Variants in PCA3 observed in about 807,000 individuals in gnomAD.
PCA3 encodes prostate cancer associated 3.
At position 76,771,151 on chromosome 9, in the gene PCA3, T is replaced by C. The variant is rs911688496; in HGVS notation, n.852+34536T>C. On this transcript the variant is annotated intron_variant and non_coding_transcript_variant, in intron 2 of 5. Coordinates refer to ENST00000644657, the Ensembl canonical transcript of PCA3. ...TTATATAAATTATGATCATAGAAAC[T>C]AGACATGATTTAAATATCATATAAA... is the stretch of plus-strand genomic sequence containing the variant. 2.0e-5 allele frequency among the ~76,000 whole-genome samples: 3 copies of C among 152,254 alleles called. No homozygotes were observed. In the South Asian group the frequency reaches 6.2e-4, roughly 32 times the overall value.
intron 2 of PCA3, among the ~76,000 whole-genome samples, chr9:76,780,969 C>T (rs1016955490): frequency 3.3e-5 from 5 of 152,172 alleles, no homozygotes; most frequent in East Asian, 1.9e-4. Flanking sequence ...TTTTATGCTA[C>T]GTACCTGAGA....
At chr9:76,781,547 C>G (rs2054395528) in intron 2 of PCA3, among the ~76,000 whole-genome samples, 1 of 152,198 alleles carries the variant, frequency 6.6e-6, no homozygotes, top group African/African-American at 2.4e-5. Context: ...CTTTGGAGAA[C>G]TTACACACCT....
chr9:76,779,466 T>C (rs1425003599), intron 2 of PCA3, among the ~76,000 whole-genome samples: 1 of 152,198 alleles, frequency 6.6e-6, no homozygotes, highest in Non-Finnish European at 1.5e-5. Flanking sequence ...GATGCACTTA[T>C]GAAAAATGGT....
chr9:76,767,690 T>C (rs1040757842), intron 2 of PCA3, among the ~76,000 whole-genome samples: 1 of 152,192 alleles, frequency 6.6e-6, no homozygotes, highest in South Asian at 2.1e-4. Context: ...CTCTTGACCC[T>C]ATTTTGTTTT....
intron 2 of PCA3, among the ~76,000 whole-genome samples, chr9:76,773,966 G>A (rs989686637): frequency 6.6e-6 from 1 of 152,036 alleles, no homozygotes. Flanking sequence ...AAAACTAAAC[G>A]AAATGACTCT....
chr9:76,768,593 G>GTGTGTGTC (rs2052721112), intron 2 of PCA3, among the ~76,000 whole-genome samples: 2 of 142,610 alleles, frequency 1.4e-5, no homozygotes, highest in South Asian at 4.3e-4. Context: ...ATGTGTGTGT[G>GTGTGTGTC]TGTGTGTGTG....
At chr9:76,768,264 C>T (rs1403087605) in intron 2 of PCA3, among the ~76,000 whole-genome samples, 1 of 152,134 alleles carries the variant, frequency 6.6e-6, no homozygotes, top group African/African-American at 2.4e-5. Context: ...GCGATCTCAG[C>T]TCACTGCAAC....
intron 2 of PCA3, chr9:76,785,030 T>C (rs2054828432): frequency 6.6e-6 from 1 of 152,086 alleles, no homozygotes; most frequent in African/African-American, 2.4e-5. Flanking sequence ...CTTTGTTTGA[T>C]TTTTTTTCCA....
At chr9:76,764,540 A>C (rs1284080385) in intron 2 of PCA3, 1 of 152,212 alleles carries the variant, frequency 6.6e-6, no homozygotes, top group Non-Finnish European at 1.5e-5. Flanking sequence ...GGTGGGAAGG[A>C]CCTGATGATA....
At chr9:76,784,744 T>G (rs572111232) in intron 2 of PCA3, 1 of 152,238 alleles carries the variant, frequency 6.6e-6, no homozygotes, top group Non-Finnish European at 1.5e-5. Context: ...CTGGGAAGCA[T>G]CTCAAGATCT....
chr9:76,774,592 G>A (rs1437393616), intron 2 of PCA3, among the ~76,000 whole-genome samples: 1 of 151,136 alleles, frequency 6.6e-6, no homozygotes, highest in African/African-American at 2.4e-5. Flanking sequence ...CCAGGTAGCT[G>A]GGATTACAGG....
intron 2 of PCA3, chr9:76,785,661 G>A (rs2054899611): frequency 6.6e-6 from 1 of 152,072 alleles, no homozygotes; most frequent in African/African-American, 2.4e-5. Flanking sequence ...GCACTCTTGT[G>A]AGCCACTTTA....
At chr9:76,783,309 G>A (rs1261226467) in intron 2 of PCA3, among the ~76,000 whole-genome samples, 1 of 152,004 alleles carries the variant, frequency 6.6e-6, no homozygotes. Flanking sequence ...GCTAATTTTT[G>A]TATTTTTAGT....
chr9:76,766,318 T>C (rs1020280644), intron 2 of PCA3, among the ~76,000 whole-genome samples: 1 of 151,974 alleles, frequency 6.6e-6, no homozygotes, highest in Non-Finnish European at 1.5e-5. Context: ...GCAAAGCCTA[T>C]CTGTGTGGGA....
intron 2 of PCA3, among the ~76,000 whole-genome samples, chr9:76,779,414 T>A (rs1313196433): frequency 6.6e-6 from 1 of 152,162 alleles, no homozygotes; most frequent in Non-Finnish European, 1.5e-5. Flanking sequence ...ATATCAAAGC[T>A]CTTCTTCAAG....
rs1178650473 is a variant in PCA3, at chr9:76,769,493, GCTC to G, written n.852+32879_852+32881del. ...GCTGGAGTGCAATGGCACAATCTCG[GCTC>G]GTCGTCGCAACCTCCGCCCCCCGGG... On this transcript the variant is annotated intron_variant and non_coding_transcript_variant, in intron 2 of 5. Coordinates refer to ENST00000644657, the Ensembl canonical transcript of PCA3. Among the ~76,000 whole-genome samples, 41 of 115,232 alleles carry G rather than the reference GCTC, an allele frequency of 3.6e-4. 1 individual carries two copies. In the South Asian group the frequency reaches 0.013, roughly 35 times the overall value. 75.6% of individuals were successfully genotyped at this position (115,232 alleles called of 152,430 possible). A position where few individuals can be genotyped will look rare whatever the true frequency, so the allele number is the denominator to read the frequency against.
intron 2 of PCA3, among the ~76,000 whole-genome samples, chr9:76,769,579 C>T (rs2052859100): frequency 6.6e-6 from 1 of 152,172 alleles, no homozygotes; most frequent in African/African-American, 2.4e-5. Flanking sequence ...GCACGTGCCA[C>T]CATGTCCGGC....
intron 2 of PCA3, among the ~76,000 whole-genome samples, chr9:76,772,363 C>T (rs2053208667): frequency 6.6e-6 from 1 of 151,960 alleles, no homozygotes; most frequent in Non-Finnish European, 1.5e-5. Context: ...TGGCAATAGT[C>T]ATTTTGGGGG....
chr9:76,774,460 T>TATTTATTTA lies in PCA3; in HGVS notation n.853-34123_853-34122insATTTATTTA, dbSNP rs1564272674. On this transcript the variant is annotated intron_variant and non_coding_transcript_variant, in intron 2 of 5. Transcript: ENST00000644657. Reference sequence around the variant, plus strand: ...GCCTCCAGTTCAACCCTTTTTTTTTTTTTTTTTTTTTTTTTTTGAGATGGA... The same window carrying TATTTATTTA: ...GCCTCCAGTTCAACCCTTTTTTTTTTATTTATTTATTTTTTTTTTTTTTTTTGAGATGGA... Among the ~76,000 whole-genome samples, 58 of 138,632 alleles carry TATTTATTTA rather than the reference T, an allele frequency of 4.2e-4. 1 individual carries two copies. Among genetic ancestry groups the TATTTATTTA allele is most frequent in the South Asian group, 9.3e-4 (4 of 4,294 alleles). 90.9% of individuals were successfully genotyped at this position (138,632 alleles called of 152,430 possible). A position where few individuals can be genotyped will look rare whatever the true frequency, so the allele number is the denominator to read the frequency against.
Sources: allele counts gnomAD v4.1 joint callset (sites outside exome capture counted in the v4.1 genomes callset), GRCh38; gene constraint gnomAD v4.1.1; transcripts MANE v1.5; gene names NCBI Gene and HGNC (gene_info 2026-07-23, HGNC 2026-07-21).